Variants in GLIS3 observed in about 807,000 individuals in gnomAD.
The protein encoded by GLIS3 is GLIS family zinc finger 3.
Under a neutral mutation model 78.6 loss-of-function variants are expected in GLIS3, and 53 were observed. That is an observed-to-expected ratio of 0.67 (90% confidence interval 0.54 to 0.85). The LOEUF (loss-of-function observed/expected upper bound fraction) is 0.85, where lower values mean the gene tolerates loss of function less well. GLIS3 is among the 40% of genes least tolerant of loss of function. The pLI, the probability that GLIS3 is intolerant of heterozygous loss-of-function variation, is 0.00. For missense variants in GLIS3, 1,703 were observed against 1,231.1 expected, an observed-to-expected ratio of 1.38 and a Z score of -5.74; for synonymous variants, 684 against 509.9, an observed-to-expected ratio of 1.34 and a Z score of -4.60.
rs144299773 is a variant in GLIS3, at chr9:3,955,698, A to T, written c.1711-18509T>A. Among the ~76,000 whole-genome samples the T allele has an allele frequency of 5.6e-4, 85 of 152,272 alleles. No individual in the cohort carries two copies. The South Asian group carries it at 7.9e-3, about 14-fold the overall frequency. On this transcript the variant is annotated intron_variant, in intron 4 of 10. Transcript: ENST00000381971. ...TGAAAAGTAGCAAAATGTCAGATTA[A>T]TTTTCTCTCCCTGCATTTAGGGATT...
rs564777862 is a variant in GLIS3 at position 4,218,824 on chromosome 9, C to T, written c.388+67214G>A. ...TCTCTCACAAGAGCTCTTCACTTCCCAAAGCCCAGCTGATCTTTTAAAAAT... is the reference window on the plus strand; with the variant it reads ...TCTCTCACAAGAGCTCTTCACTTCCTAAAGCCCAGCTGATCTTTTAAAAAT... On this transcript the variant is annotated intron_variant, in intron 2 of 10. Coordinates refer to ENST00000381971, the MANE Select transcript of GLIS3 (RefSeq NM_001042413.2). Among the ~76,000 whole-genome samples, 8 of 152,340 alleles carry T rather than the reference C, an allele frequency of 5.3e-5. No individual in the cohort carries two copies. In the East Asian group the frequency reaches 1.5e-3, roughly 29 times the overall value.
chr9:4,237,465 A>C (rs1296987986), intron 2 of GLIS3, among the ~76,000 whole-genome samples: 3 of 152,246 alleles, frequency 2.0e-5, no homozygotes, highest in Non-Finnish European at 4.4e-5. Flanking sequence ...TTTTACATGA[A>C]AGATAGATGA....
chr9:4,209,662 T>C (rs995988600), intron 2 of GLIS3, among the ~76,000 whole-genome samples: 2 of 152,182 alleles, frequency 1.3e-5, no homozygotes, highest in Non-Finnish European at 2.9e-5. Flanking sequence ...CTTCATAGAA[T>C]TCCTATCATG....
chr9:4,298,537 G>C, intron 1 of GLIS3: 1 of 355,280 alleles, frequency 2.8e-6, no homozygotes, highest in Admixed American at 3.2e-5. Context: ...AGAGCCGGCG[G>C]CTCACTCACG....
chr9:4,064,813 G>C (rs1174116852), intron 4 of GLIS3, among the ~76,000 whole-genome samples: 1 of 152,170 alleles, frequency 6.6e-6, no homozygotes, highest in African/African-American at 2.4e-5. Flanking sequence ...TAGGGAAGTA[G>C]GCTTCAAACT....
the GLIS3 span, among the ~76,000 whole-genome samples, chr9:4,486,254 C>T: frequency 6.6e-6 from 1 of 152,252 alleles, no homozygotes; most frequent in African/African-American, 2.4e-5. Context: ...ACTTCCCCTG[C>T]CACCGTCTCC....
intron 9 of GLIS3, among the ~76,000 whole-genome samples, chr9:3,845,752 C>G (rs960008620): frequency 2.7e-5 from 4 of 150,884 alleles, no homozygotes; most frequent in Non-Finnish European, 5.9e-5. Flanking sequence ...CACACACACC[C>G]ACACACACAC....
intron 2 of GLIS3, among the ~76,000 whole-genome samples, chr9:4,185,441 G>A (rs7048463): frequency 0.58 from 88,403 of 151,958 alleles, 25,942 homozygotes; most frequent in Middle Eastern, 0.65. Flanking sequence ...TTGTGTTGAC[G>A]TACTAATATA....
At chr9:4,380,925 G>C in the GLIS3 span, among the ~76,000 whole-genome samples, 1 of 152,060 alleles carries the variant, frequency 6.6e-6, no homozygotes, top group African/African-American at 2.4e-5. Context: ...AAACAATGGA[G>C]GAAAATGTAC....
intron 4 of GLIS3, among the ~76,000 whole-genome samples, chr9:4,076,862 G>C (rs1381532174): frequency 6.6e-6 from 1 of 152,184 alleles, no homozygotes. Flanking sequence ...TTTGAGACGA[G>C]CTTGGGCAAC....
At chr9:3,942,752 A>T (rs1023022821) in intron 4 of GLIS3, among the ~76,000 whole-genome samples, 1 of 152,200 alleles carries the variant, frequency 6.6e-6, no homozygotes, top group African/African-American at 2.4e-5. Context: ...CATTTCTAAC[A>T]ATCTCCCAGG....
chr9:3,893,045 A>G (rs1436651824), intron 7 of GLIS3, among the ~76,000 whole-genome samples: 2 of 152,058 alleles, frequency 1.3e-5, no homozygotes, highest in Non-Finnish European at 2.9e-5. Flanking sequence ...ACATTGTTTC[A>G]CTGCCCAGGT....
At chr9:3,840,991 C>T (rs1022834355) in intron 9 of GLIS3, among the ~76,000 whole-genome samples, 2 of 152,092 alleles carry the variant, frequency 1.3e-5, no homozygotes, top group Admixed American at 6.6e-5. Flanking sequence ...CTGCTACTCA[C>T]ATCTGCAAAA....
chr9:4,344,380 C>A (rs1345971794), intron 2 of GLIS3, among the ~76,000 whole-genome samples: 2 of 152,204 alleles, frequency 1.3e-5, no homozygotes, highest in African/African-American at 4.8e-5. Flanking sequence ...TCATCAGCAG[C>A]ATTTGGCAAA....
At chr9:4,441,940 G>C in the GLIS3 span, among the ~76,000 whole-genome samples, 1 of 152,074 alleles carries the variant, frequency 6.6e-6, no homozygotes, top group East Asian at 1.9e-4. Flanking sequence ...TGTTAGGTTT[G>C]GGTATCAAGG....
chr9:4,072,535 T>G (rs1379173736), intron 4 of GLIS3, among the ~76,000 whole-genome samples: 1 of 152,178 alleles, frequency 6.6e-6, no homozygotes, highest in East Asian at 1.9e-4. Context: ...CTTTAAAACT[T>G]CCAGCAACAT....
At chr9:4,459,561 C>A in the GLIS3 span, among the ~76,000 whole-genome samples, 1 of 152,272 alleles carries the variant, frequency 6.6e-6, no homozygotes, top group South Asian at 2.1e-4. Flanking sequence ...CCCAGGAGCT[C>A]GTGACCAGAC....
the GLIS3 span, among the ~76,000 whole-genome samples, chr9:4,481,302 G>A: frequency 5.3e-5 from 8 of 152,110 alleles, no homozygotes; most frequent in Non-Finnish European, 7.4e-5. Context: ...TGGCCAACAT[G>A]GTGAAACCCT....
intron 2 of GLIS3, among the ~76,000 whole-genome samples, chr9:4,184,989 A>G (rs991669521): frequency 1.3e-5 from 2 of 152,228 alleles, no homozygotes; most frequent in Non-Finnish European, 2.9e-5. Context: ...TACACACCAT[A>G]AAATTCACCT....
Sources: allele counts gnomAD v4.1 joint callset (sites outside exome capture counted in the v4.1 genomes callset), GRCh38; gene constraint gnomAD v4.1.1; transcripts MANE v1.5; gene names NCBI Gene and HGNC (gene_info 2026-07-23, HGNC 2026-07-21).